RNGTT: variants seen among roughly 807,000 people sequenced by gnomAD.
RNGTT encodes the protein mRNA-capping enzyme.
A neutral mutation model predicts 79.3 loss-of-function variants in RNGTT; 33 were observed. The ratio of observed to expected loss-of-function variants is 0.42; its 90% confidence interval spans 0.32 to 0.56. The LOEUF is 0.56. Among genes scored for constraint, RNGTT ranks in the 20% least tolerant of loss-of-function variants. The pLI is 0.17. For synonymous variants in RNGTT, 222 were observed against 235.9 expected (o/e 0.94, Z 0.54); for missense variants, 497 against 739.1 (o/e 0.67, Z 3.80).
chr6:88,770,526 C>T (rs1778618929), intron 12 of RNGTT, among the ~76,000 whole-genome samples: 1 of 152,170 alleles, frequency 6.6e-6, no homozygotes, highest in Non-Finnish European at 1.5e-5. Context: ...GTATATACCA[C>T]AAATTGTTTA....
chr6:88,924,918 A>G (rs762773104), intron 4 of RNGTT, among the ~76,000 whole-genome samples: 1 of 152,026 alleles, frequency 6.6e-6, no homozygotes, highest in African/African-American at 2.4e-5. Flanking sequence ...ACAGGGTCTC[A>G]CTTTGTTACT....
At position 88,764,507 on chromosome 6, in the gene RNGTT, C is replaced by T. The variant is rs148913829; in HGVS notation, c.1439+5267G>A. ...ACACATACAGGAAGACACATGTATA[C>T]AACTATATTTTACAAAAGACTTTTA... is the stretch of plus-strand genomic sequence containing the variant. On this transcript the variant is annotated intron_variant, in intron 13 of 15. Transcript: ENST00000369485. 3.3e-5 allele frequency among the ~76,000 whole-genome samples: 5 copies of T among 152,264 alleles called. 1 individual carries two copies. In the East Asian group the frequency reaches 5.8e-4, roughly 18 times the overall value.
chr6:88,819,026 ACTTT>A lies in RNGTT; in HGVS notation c.1270-17398_1270-17395del, dbSNP rs1198291680. ...ACTAGTCCTTTAATATCTTCAACCT[ACTTT>A]CTTTCAGTTCATAATTCAATAAACA... On this transcript the variant is annotated intron_variant, in intron 11 of 15. Coordinates refer to ENST00000369485, the MANE Select transcript of RNGTT (RefSeq NM_003800.5). Among the ~76,000 whole-genome samples the A allele has an allele frequency of 1.2e-4, 19 of 152,278 alleles. No individual in the cohort carries two copies. The South Asian group carries it at 3.9e-3, about 32-fold the overall frequency.
chr6:88,948,210 C>T (rs1390889071), intron 1 of RNGTT, among the ~76,000 whole-genome samples: 1 of 17,652 alleles, frequency 5.7e-5, no homozygotes, highest in Non-Finnish European at 1.1e-4. Flanking sequence ...CCCGGCCAGC[C>T]GCCCCGTCCG....
intron 2 of RNGTT, among the ~76,000 whole-genome samples, chr6:88,934,440 A>G (rs751557790): frequency 3.4e-4 from 51 of 151,970 alleles, no homozygotes; most frequent in Non-Finnish European, 6.8e-4. Flanking sequence ...ATTTTTTCAT[A>G]TATCTGTTGG....
rs573540499 is a variant in RNGTT, at chr6:88,675,092, C to T, written c.1506+3261G>A. Among the ~76,000 whole-genome samples the T allele has an allele frequency of 3.8e-3, 527 of 138,212 alleles. 3 individuals are homozygous for T. The highest frequency in any genetic ancestry group is 0.016 in the African/African-American group (499 of 32,070). The allele number at this position is 138,212 out of a possible 152,430, so 90.7% of individuals were successfully genotyped here. ...CAGCCTGGGTGACAGAGTGAGACTC[C>T]GTCTCAGAAGAAAAAAAAAAAAAAA... On this transcript the variant is annotated intron_variant, in intron 14 of 15. Coordinates refer to ENST00000369485, the MANE Select transcript of RNGTT (RefSeq NM_003800.5).
At chr6:88,860,769 T>C (rs1158364498) in intron 8 of RNGTT, among the ~76,000 whole-genome samples, 1 of 150,912 alleles carries the variant, frequency 6.6e-6, no homozygotes, top group Non-Finnish European at 1.5e-5. Flanking sequence ...AGGCCAGGAG[T>C]TCAAGACTAG....
intron 1 of RNGTT, among the ~76,000 whole-genome samples, chr6:88,949,159 G>GAAAAAAAAAAAAAAAAAAAAAAAAAAAGA: frequency 2.0e-5 from 1 of 50,514 alleles, no homozygotes; most frequent in African/African-American, 7.9e-5. Flanking sequence ...AAAATAAAAT[G>GAAAAAAAAAAAAAAAAAAAAAAAAAAAGA]AAAAAAAAAA....
chr6:88,642,369 G>A (rs749660815), intron 14 of RNGTT, among the ~76,000 whole-genome samples: 28 of 152,186 alleles, frequency 1.8e-4, no homozygotes, highest in Non-Finnish European at 3.2e-4. Context: ...AACACTTTAA[G>A]AAGGTAGGGA....
At chr6:88,812,594 A>T (rs1193069437) in intron 11 of RNGTT, among the ~76,000 whole-genome samples, 2 of 152,236 alleles carry the variant, frequency 1.3e-5, no homozygotes, top group Non-Finnish European at 2.9e-5. Flanking sequence ...GGCAGGGTCT[A>T]GTGGGGAGAC....
intron 11 of RNGTT, among the ~76,000 whole-genome samples, chr6:88,806,555 T>A (rs938634003): frequency 1.3e-5 from 2 of 152,090 alleles, no homozygotes; most frequent in African/African-American, 4.8e-5. Context: ...GACCTCGTGA[T>A]CTGCCTGCCT....
Position 88,704,271 on chromosome 6 carries a change from A to AAAAAAC in RNGTT, c.1440-25853_1440-25852insGTTTTT, listed in dbSNP as rs1562206025. Among the ~76,000 whole-genome samples the AAAAAAC allele has an allele frequency of 2.0e-3, 302 of 147,322 alleles. 5 individuals carry two copies. The highest frequency in any genetic ancestry group is 7.5e-3 in the African/African-American group (291 of 38,584). On this transcript the variant is annotated intron_variant, in intron 13 of 15. Coordinates refer to ENST00000369485, the MANE Select transcript of RNGTT (RefSeq NM_003800.5). ...CGAGACTCTGTCTCAAAAAAAAAAA[A>AAAAAAC]AAAAAAAAAAAAAAAGACAGACTTC...
intron 13 of RNGTT, among the ~76,000 whole-genome samples, chr6:88,692,787 A>T (rs1160477123): frequency 1.3e-5 from 2 of 152,122 alleles, no homozygotes; most frequent in African/African-American, 4.8e-5. Context: ...TAAATCAATT[A>T]TTCCTCAAAC....
intron 4 of RNGTT, among the ~76,000 whole-genome samples, chr6:88,906,947 A>G (rs180980796): frequency 4.6e-5 from 7 of 152,348 alleles, no homozygotes; most frequent in African/African-American, 1.7e-4. Flanking sequence ...ATAAATTCAT[A>G]TGGGGCCTGA....
At chr6:88,646,017 C>A (rs1773539208) in intron 14 of RNGTT, among the ~76,000 whole-genome samples, 2 of 152,170 alleles carry the variant, frequency 1.3e-5, no homozygotes, top group African/African-American at 4.8e-5. Flanking sequence ...TCTAATTAAA[C>A]TAAAGAGCTT....
At position 88,679,953 on chromosome 6, in the gene RNGTT, C is replaced by T. The variant is rs192543138; in HGVS notation, c.1440-1534G>A. On this transcript the variant is annotated intron_variant, in intron 13 of 15. Coordinates refer to ENST00000369485, the MANE Select transcript of RNGTT (RefSeq NM_003800.5). ...ACTATGCAACGTCACTTCTCAGAGT[C>T]TCAACATTAAAAGTTAATGGCCTTT... Among the ~76,000 whole-genome samples, 296 of 152,254 alleles carry T rather than the reference C, an allele frequency of 1.9e-3. 4 individuals carry two copies. The highest frequency in any genetic ancestry group is 7.0e-3 in the African/African-American group (289 of 41,548).
chr6:88,880,478 T>C (rs578262382), intron 8 of RNGTT, among the ~76,000 whole-genome samples: 41 of 152,306 alleles, frequency 2.7e-4, no homozygotes, highest in Admixed American at 7.8e-4. Context: ...GGTATGCTTG[T>C]ATATGTGTGT....
intron 13 of RNGTT, among the ~76,000 whole-genome samples, chr6:88,736,125 T>C (rs975769781): frequency 1.3e-5 from 2 of 152,102 alleles, no homozygotes; most frequent in Non-Finnish European, 2.9e-5. Flanking sequence ...CCAAAAGTCA[T>C]AGAAGGAGAA....
chr6:88,837,290 G>C (rs964334204), intron 11 of RNGTT, among the ~76,000 whole-genome samples: 1 of 152,012 alleles, frequency 6.6e-6, no homozygotes, highest in Non-Finnish European at 1.5e-5. Flanking sequence ...CCAGCTACTC[G>C]GGAGGCTGAG....
Sources: gnomAD v4.1 joint callset for allele counts (sites outside exome capture counted in the v4.1 genomes callset) on GRCh38, gnomAD v4.1.1 for gene constraint, MANE v1.5 for transcripts, NCBI Gene and HGNC (gene_info 2026-07-23, HGNC 2026-07-21) for gene names.